ZNF397: variants seen among roughly 807,000 people sequenced by gnomAD.
ZNF397 encodes zinc finger protein 397.
Under a neutral mutation model 50.6 loss-of-function variants are expected in ZNF397, and 38 were observed. The observed-to-expected ratio is 0.75, with a 90% CI of 0.58 to 0.98. The LOEUF (loss-of-function observed/expected upper bound fraction) is 0.98, where lower values mean the gene tolerates loss of function less well. Among genes scored for constraint, ZNF397 ranks in the 50% least tolerant of loss-of-function variants. The pLI, the probability that ZNF397 is intolerant of heterozygous loss-of-function variation, is 0.00. For synonymous variants in ZNF397, 228 were observed against 215.2 expected (o/e 1.06, Z -0.52); for missense variants, 624 against 624.1 (o/e 1.00, Z 0.00).
chr18:35,253,909 TGA>T (rs1569059085), downstream of ZNF397: 1 of 1,614,168 alleles, frequency 6.2e-7, no homozygotes. Flanking sequence ...TAACAAGGTC[TGA>T]GCTCAAACTG....
Position 35,242,385 on chromosome 18 carries a change from C to T in ZNF397, c.-80-6C>T. 3 of 1,361,572 alleles carry T rather than the reference C, an allele frequency of 2.2e-6. No individual in the cohort carries two copies. The highest frequency in any genetic ancestry group is 3.0e-6 in the Non-Finnish European group (3 of 996,230). 84.3% of individuals were successfully genotyped at this position (1,361,572 alleles called of 1,614,324 possible). A position where few individuals can be genotyped will look rare whatever the true frequency, so the allele number is the denominator to read the frequency against. Reference sequence around the variant, plus strand: ...GCTGTAAGTTAACTGCTTTTATATCCTTCAGGAAAGAAGAGATTACTCACA... The same window carrying T: ...GCTGTAAGTTAACTGCTTTTATATCTTTCAGGAAAGAAGAGATTACTCACA... On this transcript the variant is annotated splice_polypyrimidine_tract_variant and splice_region_variant and intron_variant, in intron 1 of 3. Coordinates refer to ENST00000330501, the MANE Select transcript of ZNF397 (RefSeq NM_001135178.3).
intron 3 of ZNF397, 199 bp downstream of exon 3, chr18:35,243,492 T>G: frequency 1.5e-6 from 1 of 679,460 alleles, no homozygotes; most frequent in Non-Finnish European, 2.5e-6. Context: ...TCCCTGTTAT[T>G]CATTCATTCA....
At chr18:35,243,123 C>T (rs774141221) in intron 2 of ZNF397, 29 bp from the exon 3 acceptor site, 1 of 1,611,558 alleles carries the variant, frequency 6.2e-7, no homozygotes, top group East Asian at 2.2e-5. Flanking sequence ...GATTTTCTCA[C>T]AAAGCTAACC....
At chr18:35,252,171 T>G (rs1023821206), downstream of ZNF397, 1 of 152,144 alleles carries the variant, frequency 6.6e-6, no homozygotes, top group South Asian at 2.1e-4. Flanking sequence ...AATCACTGAG[T>G]TGGGGAGCCT....
chr18:35,241,957 T>G (rs1481672602), intron 1 of ZNF397, among the ~76,000 whole-genome samples: 1 of 152,196 alleles, frequency 6.6e-6, no homozygotes, highest in Non-Finnish European at 1.5e-5. Context: ...ATGTTTAAAA[T>G]CAGTATTACT....
chr18:35,252,052 A>G (rs1035402739), downstream of ZNF397: 1 of 152,206 alleles, frequency 6.6e-6, no homozygotes, highest in Non-Finnish European at 1.5e-5. Context: ...TGAAGATAAG[A>G]TAGGATCTGG....
downstream of ZNF397, among the ~76,000 whole-genome samples, chr18:35,249,972 A>C (rs1450534736): frequency 6.6e-6 from 1 of 152,092 alleles, no homozygotes; most frequent in Non-Finnish European, 1.5e-5. Flanking sequence ...ATATTTTAAA[A>C]GCACTTGCTT....
downstream of ZNF397, chr18:35,254,277 G>A (rs1002022816): frequency 3.1e-6 from 5 of 1,614,012 alleles, no homozygotes; most frequent in African/African-American, 6.7e-5. Context: ...CGTTGGGAAT[G>A]TGTTTCTCCA....
chr18:35,253,863 CATAG>C (rs748949057), downstream of ZNF397: 1 of 1,614,074 alleles, frequency 6.2e-7, no homozygotes, highest in African/African-American at 1.3e-5. Flanking sequence ...TCACAACATT[CATAG>C]GGTTTTTCAC....
At chr18:35,241,628 A>G (rs913200367) in intron 1 of ZNF397, 14 of 152,240 alleles carry the variant, frequency 9.2e-5, no homozygotes, top group African/African-American at 3.4e-4. Flanking sequence ...GCTTTTTCAG[A>G]ACTGATACGG....
chr18:35,253,086 A>T (rs1397498310), downstream of ZNF397: 1 of 178,588 alleles, frequency 5.6e-6, no homozygotes, highest in African/African-American at 2.4e-5. Flanking sequence ...TTGCCATCTT[A>T]TAAGAAGCTC....
In ZNF397 at chr18:35,247,127, C is replaced by A; in HGVS notation, c.*817C>A. 1.0e-6 allele frequency: 1 copy of A among 985,482 alleles called. No individual in the cohort carries two copies. The highest frequency in any genetic ancestry group is 1.2e-6 in the Non-Finnish European group (1 of 829,990). 61.0% of individuals were successfully genotyped at this position (985,482 alleles called of 1,614,324 possible). On this transcript the variant is annotated 3_prime_UTR_variant, in exon 4 of 4. Transcript: ENST00000330501. ...GCCAGAAACAAAGTGTGGAGCATTC[C>A]TTGAGTTCCTGTTGTAGTGAGGTCT...
exon 6 of ZNF397, chr18:35,258,001 G>A: frequency 1.3e-6 from 1 of 780,870 alleles, no homozygotes; most frequent in South Asian, 1.3e-5. Context: ...CTTCTGGCAA[G>A]GCATATCATG....
At position 35,245,589 on chromosome 18, in the gene ZNF397, A is replaced by G; in HGVS notation, c.884A>G (p.Lys295Arg). The G allele has an allele frequency of 6.4e-7, 1 of 1,553,136 alleles. No individual in the cohort carries two copies. Among genetic ancestry groups the G allele is most frequent in the Non-Finnish European group, 8.7e-7 (1 of 1,147,604 alleles). ...YRCDVCGHSF[K>R]QHSSLTQHQR... Reference sequence around the variant, plus strand: ...TGTGATGTATGTGGGCACAGCTTCAAGCAGCATTCCTCTCTAACACAACAT... The same window carrying G: ...TGTGATGTATGTGGGCACAGCTTCAGGCAGCATTCCTCTCTAACACAACAT... The change falls in exon 4 of 4, where the codon AAG (lysine) becomes AGG (arginine). Residue 295 changes from lysine (K) to arginine (R), a missense_variant. Physicochemically the swap from Lys to Arg is conservative, Grantham distance 26. Transcript: ENST00000330501.
chr18:35,242,526 A>G lies in ZNF397; in HGVS notation c.56A>G (p.Gln19Arg), dbSNP rs1912589299. The G allele has an allele frequency of 6.2e-7, 1 of 1,614,104 alleles. No individual in the cohort carries two copies. The change falls in exon 2 of 4, where the codon CAA (glutamine) becomes CGA (arginine). Residue 19 changes from glutamine to arginine, a missense_variant. Gln to Arg is a conservative substitution (Grantham distance 43). Transcript: ENST00000330501. The part of the protein sequence containing the change: ...STLIPQDPPE[Q>R]ELILVKVEDN... Reference sequence around the variant, plus strand: ...CTGATACCTCAGGATCCTCCGGAACAAGAACTAATACTAGTGAAAGTAGAA... The same window carrying G: ...CTGATACCTCAGGATCCTCCGGAACGAGAACTAATACTAGTGAAAGTAGAA...
At chr18:35,257,848 C>A in intron 5 of ZNF397, 2 of 780,322 alleles carry the variant, frequency 2.6e-6, no homozygotes, top group Non-Finnish European at 4.8e-6. Flanking sequence ...AAGGATTAGA[C>A]CAAGCCTAGA....
At chr18:35,257,610 A>T in intron 5 of ZNF397, 1 of 361,860 alleles carries the variant, frequency 2.8e-6, no homozygotes, top group Non-Finnish European at 5.0e-6. Context: ...TGAGAAGTAA[A>T]TCCGTGTTGT....
chr18:35,245,147 T>TA, intron 3 of ZNF397, 115 bp from the exon 4 acceptor site: 1 of 1,354,964 alleles, frequency 7.4e-7, no homozygotes, highest in Non-Finnish European at 9.7e-7. Context: ...AAAAAAAAGA[T>TA]ACTGGAGGAC....
chr18:35,242,736 T>C lies in ZNF397; in HGVS notation c.266T>C (p.Ile89Thr). 1.2e-6 allele frequency: 2 copies of C among 1,614,168 alleles called. No homozygotes were observed. The highest frequency in any genetic ancestry group is 1.7e-6 in the Non-Finnish European group (2 of 1,180,030). The change falls in exon 2 of 4, where the codon ATC becomes ACC. Residue 89 changes from isoleucine (I) to threonine (T), a missense_variant. Physicochemically the swap from Ile to Thr is moderately conservative, Grantham distance 89 (BLOSUM62 -1). Transcript: ENST00000330501. The stretch of plus-strand genomic sequence containing the variant: ...CCAGAGTTGCACACAAAGGAGCAGA[T>C]CTTAGAACTGCTGGTACTGGAGCAG... ...LMPELHTKEQ[I>T]LELLVLEQFL...
Sources: gnomAD v4.1 joint callset for allele counts (sites outside exome capture counted in the v4.1 genomes callset) on GRCh38, gnomAD v4.1.1 for gene constraint, MANE v1.5 for transcripts, NCBI Gene and HGNC (gene_info 2026-07-23, HGNC 2026-07-21) for gene names.